The following NOC2L variants were observed in gnomAD, a reference collection of about 807,000 sequenced individuals.
The protein encoded by NOC2L is NOC2 like nucleolar associated transcriptional repressor, also known as nucleolar complex protein 2 homolog.
Under a neutral mutation model 94.2 loss-of-function variants are expected in NOC2L, and 101 were observed. That is an observed-to-expected ratio of 1.07 (90% CI 0.91 to 1.26). The LOEUF is 1.26. Ranked by LOEUF, NOC2L falls within the 50% of genes most tolerant of loss-of-function variation. The pLI is 0.00. For missense variants in NOC2L, 1,076 were observed against 980.1 expected, an observed-to-expected ratio of 1.10 and a Z score of -1.31; for synonymous variants, 531 against 413.4, an observed-to-expected ratio of 1.28 and a Z score of -3.45.
Position 959,083 on chromosome 1 carries a change from T to C in NOC2L, c.27-2A>G. 1.2e-6 allele frequency: 2 copies of C among 1,608,808 alleles called. No individual in the cohort carries two copies. Among genetic ancestry groups the C allele is most frequent in the Non-Finnish European group, 1.7e-6 (2 of 1,177,156 alleles). The stretch of plus-strand genomic sequence containing the variant: ...TCCACCGTCAGCTCCGCCAGGCGCC[T>C]GCGGGTCACGCAGGAGTCACAGCTG... On this transcript the variant is annotated splice_acceptor_variant, in intron 1 of 18. Transcript: ENST00000327044. LOFTEE classifies it high-confidence loss of function.
At chr1:948,049 C>T in intron 14 of NOC2L, 82 bp downstream of exon 14, 1 of 1,115,344 alleles carries the variant, frequency 9.0e-7, no homozygotes, top group Non-Finnish European at 1.3e-6. Context: ...GGGACAAGGG[C>T]ACCTCCTACC....
rs571862040 is a variant in NOC2L at position 955,296 on chromosome 1, G to C, written c.698+627C>G. ...AGCCGCTGTCGGCGAGACCTCTCCT[G>C]TGGGTCTCCTTTCTTCCTTTGAAGG... is the stretch of plus-strand genomic sequence containing the variant. On this transcript the variant is annotated intron_variant, in intron 6 of 18. Transcript: ENST00000327044. Among the ~76,000 whole-genome samples, 3 of 152,342 alleles carry C rather than the reference G, an allele frequency of 2.0e-5. No homozygotes were observed. In the South Asian group the frequency reaches 6.2e-4, roughly 32 times the overall value.
chr1:951,479 C>T (rs1385463529), intron 11 of NOC2L, among the ~76,000 whole-genome samples: 2 of 152,344 alleles, frequency 1.3e-5, no homozygotes, highest in East Asian at 3.9e-4. Context: ...TGCTCTCCTC[C>T]CTGTTCCCGC....
At chr1:952,353 G>A in intron 10 of NOC2L, 59 bp downstream of exon 10, 1 of 1,588,064 alleles carries the variant, frequency 6.3e-7, no homozygotes, top group Non-Finnish European at 8.6e-7. Flanking sequence ...CCTTGGGTCG[G>A]GCACCTGGGC....
At position 944,609 on chromosome 1, in the gene NOC2L, G is replaced by C; in HGVS notation, c.*85C>G. ...TACTGCCTCCCCCAACTGCACAGAC[G>C]CCAGCCTCTAGGCCTGACTGCCAGG... On this transcript the variant is annotated 3_prime_UTR_variant, in exon 19 of 19. Transcript: ENST00000327044. 1.2e-6 allele frequency: 1 copy of C among 811,218 alleles called. No homozygotes were observed. Among genetic ancestry groups the C allele is most frequent in the Non-Finnish European group, 2.0e-6 (1 of 508,250 alleles). The allele number at this position is 811,218 out of a possible 1,614,324, so 50.3% of individuals were successfully genotyped here. A position where few individuals can be genotyped will look rare whatever the true frequency, so the allele number is the denominator to read the frequency against.
intron 10 of NOC2L, 32 bp from the exon 11 acceptor site, chr1:952,171 C>T (rs1411673262): frequency 1.9e-6 from 3 of 1,612,012 alleles, no homozygotes; most frequent in Middle Eastern, 1.7e-4. Context: ...AGCTACTGGC[C>T]AGGCTGACAA....
At chr1:945,462 G>A (rs942947942) in intron 17 of NOC2L, 56 bp downstream of exon 17, 1 of 1,600,128 alleles carries the variant, frequency 6.2e-7, no homozygotes, top group East Asian at 2.2e-5. Context: ...GCTCTGGGAA[G>A]TCCAGCAGAG....
rs764941266 is a variant in NOC2L, at chr1:946,462, C to T, written c.1743G>A (p.Ser581=). The stretch of plus-strand genomic sequence containing the variant: ...TCTGGCGGCGGCTGCAGATGTATGC[C>T]GAGTTCTCCTGAACCTTCCCAAGCA... The part of the protein sequence containing the change: ...QQLLGKVQEN[S]AYICSRRQRV... The change falls in exon 15 of 19, where the codon TCG becomes TCA. Residue 581 remains serine, a synonymous_variant. Transcript: ENST00000327044. 21 of 1,613,180 alleles carry T rather than the reference C, an allele frequency of 1.3e-5. No homozygotes were observed. The Admixed American group carries it at 1.3e-4, about 10-fold the overall frequency.
chr1:953,869 C>G lies in NOC2L; in HGVS notation c.801G>C (p.Thr267=). 1.2e-6 allele frequency: 2 copies of G among 1,613,204 alleles called. No homozygotes were observed. Among genetic ancestry groups the G allele is most frequent in the East Asian group, 2.2e-5 (1 of 44,874 alleles). The change falls in exon 8 of 19, where the codon ACG becomes ACC. Residue 267 remains threonine (T), a synonymous_variant. Coordinates refer to ENST00000327044, the MANE Select transcript of NOC2L (RefSeq NM_015658.4). ...GCCGCAGCACGGCCGCCAACACCGT[C>G]GTCTCCGACAGACAGGACACCAGCT... is the stretch of plus-strand genomic sequence containing the variant. ...AIQLVSCLSE[T]TVLAAVLRHI... is the part of the protein sequence containing the mutation.
At chr1:945,741 A>C in intron 16 of NOC2L, 88 bp from the exon 17 acceptor site, 1 of 1,563,384 alleles carries the variant, frequency 6.4e-7, no homozygotes, top group South Asian at 1.1e-5. Flanking sequence ...ACCCACCACC[A>C]GGGCCCCATG....
At chr1:953,340 G>A in intron 8 of NOC2L, 52 bp from the exon 9 acceptor site, 3 of 1,103,872 alleles carry the variant, frequency 2.7e-6, no homozygotes, top group South Asian at 2.6e-5. Context: ...CAGCAGGGAT[G>A]CCCCAGGGCC....
At chr1:957,417 C>T (rs1204772780) in intron 2 of NOC2L, 144 bp from the exon 3 acceptor site, 8 of 712,942 alleles carry the variant, frequency 1.1e-5, no homozygotes, top group African/African-American at 7.1e-5. Context: ...GGCAGACTCA[C>T]GTCTCCTACC....
rs561771231 is a variant in NOC2L, at chr1:944,280, G to A, written c.*414C>T. On this transcript the variant is annotated 3_prime_UTR_variant, in exon 19 of 19. Transcript: ENST00000327044. ...AAAACAAAAAATTTTAAAAGAAAAT[G>A]TGACTTCAAAGGAAAGGAACAAATT... 322 of 1,435,432 alleles carry A rather than the reference G, an allele frequency of 2.2e-4. 1 individual carries two copies. The African/African-American group carries it at 4.1e-3, about 18-fold the overall frequency. The allele number at this position is 1,435,432 out of a possible 1,614,324, so 88.9% of individuals were successfully genotyped here.
chr1:946,578 AG>A (rs779250613), intron 14 of NOC2L, 33 bp from the exon 15 acceptor site: 1 of 1,601,328 alleles, frequency 6.2e-7, no homozygotes, highest in South Asian at 1.1e-5. Context: ...ACTGAAGCCC[AG>A]GACCGCTCCA....
At chr1:950,134 G>A (rs2100384321) in intron 12 of NOC2L, among the ~76,000 whole-genome samples, 1 of 152,010 alleles carries the variant, frequency 6.6e-6, no homozygotes, top group East Asian at 1.9e-4. Context: ...GCACGTACAT[G>A]CACACAGGTG....
intron 13 of NOC2L, 59 bp from the exon 14 acceptor site, chr1:948,291 G>C (rs1234101244): frequency 5.0e-6 from 7 of 1,389,186 alleles, no homozygotes; most frequent in Non-Finnish European, 6.0e-6. Flanking sequence ...GGGCACTCAG[G>C]CCCCTTCCCC....
rs1642252869 is a variant in NOC2L at position 951,228 on chromosome 1, T to C, written c.1342A>G (p.Thr448Ala). The change falls in exon 12 of 19, where the codon ACT (threonine) becomes GCT (alanine). Residue 448 changes from threonine (T) to alanine (A), a missense_variant. Around this residue, in one of 3 missense-constraint regions of NOC2L, gnomAD observed 615 missense variants for 577.4 expected, o/e 1.07. Coordinates refer to ENST00000327044, the MANE Select transcript of NOC2L (RefSeq NM_015658.4). ...VIIGCIKLIPTARFYPLRMHC... is the reference protein window; with the variant it reads ...VIIGCIKLIPAARFYPLRMHC... ...ATTCGCAGCGGGTAGAAGCGGGCAG[T>C]GGGGATGAGCCTGGGGGTGGGAAGG... 6 of 1,584,280 alleles carry C rather than the reference T, an allele frequency of 3.8e-6. No homozygotes were observed. The highest frequency in any genetic ancestry group is 1.3e-5 in the African/African-American group (1 of 74,468).
rs745688102 is a variant in NOC2L, at chr1:944,808, G to A, written c.2144-8C>T. On this transcript the variant is annotated splice_polypyrimidine_tract_variant and splice_region_variant and intron_variant, in intron 18 of 18. Coordinates refer to ENST00000327044, the MANE Select transcript of NOC2L (RefSeq NM_015658.4). ...CTGCGTCTGGGTCTCCATCTGCGGG[G>A]AGAGATGGAGGCTACATAAATTTTG... The A allele has an allele frequency of 3.9e-6, 6 of 1,534,722 alleles. No individual in the cohort carries two copies. In the South Asian group the frequency reaches 6.9e-5, roughly 18 times the overall value.
At position 944,455 on chromosome 1, in the gene NOC2L, C is replaced by A. The variant is rs1359575358; in HGVS notation, c.*239G>T. 6 of 848,242 alleles carry A rather than the reference C, an allele frequency of 7.1e-6. No individual in the cohort carries two copies. The South Asian group carries it at 1.1e-4, about 15-fold the overall frequency. 52.5% of individuals were successfully genotyped at this position (848,242 alleles called of 1,614,324 possible). On this transcript the variant is annotated 3_prime_UTR_variant, in exon 19 of 19. Coordinates refer to ENST00000327044, the MANE Select transcript of NOC2L (RefSeq NM_015658.4). Reference sequence around the variant, plus strand: ...GGTCTGCTGACGTCAGGGTCAGCTCCCCCGCGGAGCTGACTTCAGCAGCCC... The same window carrying A: ...GGTCTGCTGACGTCAGGGTCAGCTCACCCGCGGAGCTGACTTCAGCAGCCC...
Sources: allele counts gnomAD v4.1 joint callset (sites outside exome capture counted in the v4.1 genomes callset), GRCh38; gene constraint gnomAD v4.1.1; regional missense constraint gnomAD v4.1.1; transcripts MANE v1.5; gene names NCBI Gene and HGNC (gene_info 2026-07-23, HGNC 2026-07-21).